The following SBK1 variants were observed in gnomAD, a reference collection of about 807,000 sequenced individuals.
The protein encoded by SBK1 is SH3 domain binding kinase 1.
In SBK1, 11 loss-of-function variants were observed where a neutral mutation model predicts 24.4. The ratio of observed to expected loss-of-function variants is 0.45; its 90% CI spans 0.28 to 0.75. The LOEUF is 0.75. Ranked by LOEUF, SBK1 falls within the 30% of genes least tolerant of loss-of-function variation. SBK1 has a pLI of 0.12. For synonymous variants in SBK1, 308 were observed against 284.4 expected (o/e 1.08, Z -0.83); for missense variants, 467 against 620.5 (o/e 0.75, Z 2.63).
intron 1 of SBK1, among the ~76,000 whole-genome samples, chr16:28,266,748 T>TAA (rs1209947007): frequency 9.4e-4 from 95 of 101,216 alleles, no homozygotes; most frequent in African/African-American, 3.4e-3. Context: ...TTTTTTTTTT[T>TAA]AAAAAAAAAA....
chr16:28,308,450 C>CTTT (rs59880320), intron 1 of SBK1, among the ~76,000 whole-genome samples: 9 of 40,010 alleles, frequency 2.2e-4, no homozygotes, highest in African/African-American at 8.7e-4. Context: ...CATGCTTGGG[C>CTTT]TTTTTTTTTT....
intron 1 of SBK1, among the ~76,000 whole-genome samples, chr16:28,280,162 T>TGTGTGTGTGTGTGTGTGTGTGC (rs2044523374): frequency 8.3e-6 from 1 of 120,102 alleles, no homozygotes; most frequent in Non-Finnish European, 1.8e-5. Context: ...TGTGTGTGTG[T>TGTGTGTGTGTGTGTGTGTGTGC]GTGTGTGTGT....
chr16:28,295,627 G>C (rs1453457599), intron 1 of SBK1, among the ~76,000 whole-genome samples: 1 of 152,136 alleles, frequency 6.6e-6, no homozygotes, highest in Non-Finnish European at 1.5e-5. Flanking sequence ...TAGGGCACGT[G>C]CTGTAAAATA....
intron 1 of SBK1, among the ~76,000 whole-genome samples, chr16:28,301,643 C>T (rs1335733056): frequency 6.6e-6 from 1 of 152,186 alleles, no homozygotes; most frequent in Admixed American, 6.5e-5. Flanking sequence ...GGGTGAGATT[C>T]AGCATAGCCA....
intron 1 of SBK1, among the ~76,000 whole-genome samples, chr16:28,272,048 A>G (rs1227747010): frequency 6.6e-6 from 1 of 152,128 alleles, no homozygotes; most frequent in Non-Finnish European, 1.5e-5. Flanking sequence ...TGTCCTCCTA[A>G]CATATTTTTA....
chr16:28,264,498 C>T (rs539781059), intron 1 of SBK1, among the ~76,000 whole-genome samples: 96 of 151,534 alleles, frequency 6.3e-4, no homozygotes, highest in Non-Finnish European at 1.3e-3. Context: ...AGCTTGAACC[C>T]GGGAGGCGGA....
chr16:28,277,085 G>A (rs2044498068), intron 1 of SBK1, among the ~76,000 whole-genome samples: 1 of 152,056 alleles, frequency 6.6e-6, no homozygotes, highest in South Asian at 2.1e-4. Flanking sequence ...GGGTCGTTAC[G>A]CAGGCTGGGG....
intron 1 of SBK1, among the ~76,000 whole-genome samples, chr16:28,298,469 C>T (rs2044656446): frequency 6.6e-6 from 1 of 152,230 alleles, no homozygotes; most frequent in African/African-American, 2.4e-5. Context: ...GTTTGAAGCC[C>T]ACCTCCACCA....
At chr16:28,272,101 A>G (rs1448353457) in intron 1 of SBK1, among the ~76,000 whole-genome samples, 1 of 152,076 alleles carries the variant, frequency 6.6e-6, no homozygotes, top group African/African-American at 2.4e-5. Flanking sequence ...TTTTTGAGAC[A>G]TGGTCTTACT....
At chr16:28,280,788 C>A (rs1418226179) in intron 1 of SBK1, among the ~76,000 whole-genome samples, 1 of 152,128 alleles carries the variant, frequency 6.6e-6, no homozygotes, top group Non-Finnish European at 1.5e-5. Flanking sequence ...GCTCAGCCTC[C>A]TGAGTAACTG....
chr16:28,280,833 T>G (rs1026660643), intron 1 of SBK1, among the ~76,000 whole-genome samples: 3 of 151,858 alleles, frequency 2.0e-5, no homozygotes, highest in Non-Finnish European at 4.4e-5. Context: ...CCCAGCTAAT[T>G]TTTGTATTTT....
rs778904534 is a variant in SBK1 at position 28,292,853 on chromosome 16, T to C, written c.-455T>C. 4.5e-5 allele frequency: 44 copies of C among 983,826 alleles called. No individual in the cohort carries two copies. The highest frequency in any genetic ancestry group is 5.1e-5 in the Non-Finnish European group (42 of 829,074). 60.9% of individuals were successfully genotyped at this position (983,826 alleles called of 1,614,324 possible). ...CCCTGCGGGGAAAGCGGAGACTTCC[T>C]CGGTATTTAGAAGACAGCAAGCCCC... On this transcript the variant is annotated 5_prime_UTR_variant, in exon 1 of 4. Transcript: ENST00000341901.
At chr16:28,304,909 C>T (rs1229055553) in intron 1 of SBK1, among the ~76,000 whole-genome samples, 7 of 151,684 alleles carry the variant, frequency 4.6e-5, no homozygotes, top group South Asian at 2.1e-4. Context: ...CGCACGGCAG[C>T]GGTAATTTTT....
At chr16:28,261,375 G>T (rs979244886) in intron 1 of SBK1, among the ~76,000 whole-genome samples, 1 of 151,374 alleles carries the variant, frequency 6.6e-6, no homozygotes, top group Non-Finnish European at 1.5e-5. Flanking sequence ...CGGGTAGATC[G>T]CTTGAGCTCA....
chr16:28,274,446 C>T (rs981555356), intron 1 of SBK1, among the ~76,000 whole-genome samples: 8 of 151,878 alleles, frequency 5.3e-5, no homozygotes, highest in African/African-American at 1.9e-4. Flanking sequence ...GGTCTGGAGT[C>T]CAAGACCAGC....
At chr16:28,304,768 C>A (rs2044703908) in intron 1 of SBK1, among the ~76,000 whole-genome samples, 1 of 151,556 alleles carries the variant, frequency 6.6e-6, no homozygotes, top group South Asian at 2.1e-4. Context: ...CCACCACGCC[C>A]AGCTAATTTT....
intron 1 of SBK1, among the ~76,000 whole-genome samples, chr16:28,276,539 A>G (rs1567671289): frequency 6.6e-6 from 1 of 152,200 alleles, no homozygotes; most frequent in East Asian, 1.9e-4. Context: ...ATAGCAGGAC[A>G]GGTGGGCATG....
intron 1 of SBK1, among the ~76,000 whole-genome samples, chr16:28,274,671 G>A (rs1190554628): frequency 6.6e-6 from 1 of 151,500 alleles, no homozygotes; most frequent in Non-Finnish European, 1.5e-5. Flanking sequence ...AAAGAAACAC[G>A]TTCTGCTCAA....
At chr16:28,261,478 C>CACACACAA (rs1426994495) in intron 1 of SBK1, among the ~76,000 whole-genome samples, 1 of 137,960 alleles carries the variant, frequency 7.2e-6, no homozygotes, top group African/African-American at 2.8e-5. Context: ...CACACACACA[C>CACACACAA]AATTAGCCAG....
Sources: gnomAD v4.1 joint callset for allele counts (sites outside exome capture counted in the v4.1 genomes callset) on GRCh38, gnomAD v4.1.1 for gene constraint, MANE v1.5 for transcripts, NCBI Gene and HGNC (gene_info 2026-07-23, HGNC 2026-07-21) for gene names.